PPP2R2B: variants seen among roughly 807,000 people sequenced by gnomAD.
The protein encoded by PPP2R2B is serine/threonine-protein phosphatase 2A 55 kDa regulatory subunit B beta isoform.
PPP2R2B carries 5 observed loss-of-function variants against 46.0 expected under a neutral mutation model. The ratio of observed to expected loss-of-function variants is 0.11; its 90% CI spans 0.06 to 0.23. The LOEUF (loss-of-function observed/expected upper bound fraction) is 0.23, where lower values mean the gene tolerates loss of function less well. PPP2R2B is among the 10% of genes least tolerant of loss of function. The probability of loss-of-function intolerance (pLI) is 1.00; values close to 1 mark genes in which losing one functional copy is unlikely to be tolerated. For synonymous variants in PPP2R2B, 215 were observed against 206.7 expected, an observed-to-expected ratio of 1.04 and a Z score of -0.34; for missense variants, 367 against 575.0, an observed-to-expected ratio of 0.64 and a Z score of 3.70.
At chr5:146,669,223 T>C (rs1169872039) in intron 5 of PPP2R2B, among the ~76,000 whole-genome samples, 1 of 152,186 alleles carries the variant, frequency 6.6e-6, no homozygotes, top group Non-Finnish European at 1.5e-5. Context: ...CATATGCATT[T>C]AATATGTGAA....
intron 2 of PPP2R2B, among the ~76,000 whole-genome samples, chr5:146,750,577 C>T (rs984656744): frequency 5.3e-5 from 8 of 152,166 alleles, no homozygotes; most frequent in Admixed American, 1.3e-4. Flanking sequence ...AAAACAATAA[C>T]TCAATCAGAT....
At chr5:146,777,860 T>A (rs1357758705) in intron 2 of PPP2R2B, among the ~76,000 whole-genome samples, 1 of 152,164 alleles carries the variant, frequency 6.6e-6, no homozygotes, top group East Asian at 1.9e-4. Context: ...CCTAAACATA[T>A]TAATCCATGT....
intron 2 of PPP2R2B, among the ~76,000 whole-genome samples, chr5:147,080,590 G>C (rs764436770): frequency 6.6e-6 from 1 of 152,190 alleles, no homozygotes; most frequent in Non-Finnish European, 1.5e-5. Flanking sequence ...AGTCTCCTGA[G>C]AACCAGAAAG....
chr5:146,739,217 A>T (rs2151217997), intron 2 of PPP2R2B, among the ~76,000 whole-genome samples: 1 of 152,282 alleles, frequency 6.6e-6, no homozygotes, highest in African/African-American at 2.4e-5. Context: ...CAGGGTCTCA[A>T]CTATGTTGCC....
chr5:147,070,636 T>C (rs1442991132), intron 2 of PPP2R2B, among the ~76,000 whole-genome samples: 1 of 152,194 alleles, frequency 6.6e-6, no homozygotes, highest in Non-Finnish European at 1.5e-5. Context: ...CCAAATGTTT[T>C]ACCAAGAACA....
Position 146,589,548 on chromosome 5 carries a change from A to AATC in PPP2R2B, c.*396_*398dup, listed in dbSNP as rs897380647. The stretch of plus-strand genomic sequence containing the variant: ...TGTTTATTTTTTGTTGATTTTTTTC[A>AATC]ATCAAATGGAATTGCTTAATTAAAA... On this transcript the variant is annotated 3_prime_UTR_variant, in exon 10 of 10. Transcript: ENST00000394411. 5 of 161,642 alleles carry AATC rather than the reference A, an allele frequency of 3.1e-5. No homozygotes were observed. The highest frequency in any genetic ancestry group is 7.2e-5 in the African/African-American group (3 of 41,648). 10.0% of individuals were successfully genotyped at this position (161,642 alleles called of 1,614,324 possible). A position where few individuals can be genotyped will look rare whatever the true frequency, so the allele number is the denominator to read the frequency against.
In PPP2R2B at chr5:146,812,667, GTATATATATATATA is replaced by G. The variant is rs1186426182; in HGVS notation, c.70+65321_70+65334del. On this transcript the variant is annotated intron_variant, in intron 2 of 9. Coordinates refer to ENST00000394411, the MANE Select transcript of PPP2R2B (RefSeq NM_181675.4). Reference sequence around the variant, plus strand: ...CTAGAGTTACTTAGTCCTCAGAAGAGTATATATATATATATATATATATATATATATATACACTG... The same window carrying G: ...CTAGAGTTACTTAGTCCTCAGAAGAGTATATATATATATATATATACACTG... Among the ~76,000 whole-genome samples the G allele has an allele frequency of 9.4e-3, 6 of 638 alleles. 1 individual carries two copies. Among genetic ancestry groups the G allele is most frequent in the South Asian group, 0.083 (1 of 12 alleles). The allele number at this position is 638 out of a possible 152,430, so 0.4% of individuals were successfully genotyped here. A position where few individuals can be genotyped will look rare whatever the true frequency, so the allele number is the denominator to read the frequency against.
intron 7 of PPP2R2B, among the ~76,000 whole-genome samples, chr5:146,603,537 G>T (rs1771978067): frequency 1.3e-5 from 2 of 152,198 alleles, no homozygotes; most frequent in South Asian, 4.1e-4. Context: ...TTTGTGGAGT[G>T]CCGGCTTTAG....
chr5:146,736,887 AC>A (rs1752570052), intron 2 of PPP2R2B, among the ~76,000 whole-genome samples: 2 of 152,186 alleles, frequency 1.3e-5, no homozygotes, highest in Middle Eastern at 6.8e-3. Flanking sequence ...TTACTCTCTA[AC>A]CCAGGACTGT....
At chr5:146,973,597 G>A (rs1752761900) in intron 1 of PPP2R2B, among the ~76,000 whole-genome samples, 1 of 152,158 alleles carries the variant, frequency 6.6e-6, no homozygotes, top group Non-Finnish European at 1.5e-5. Flanking sequence ...AGAATTCCAT[G>A]GCTTGTAATT....
chr5:146,591,004 C>G (rs1356286263), intron 9 of PPP2R2B, among the ~76,000 whole-genome samples: 1 of 152,060 alleles, frequency 6.6e-6, no homozygotes, highest in Non-Finnish European at 1.5e-5. Context: ...AGGAGAGTGG[C>G]AAACACCCAA....
At chr5:146,861,277 C>G (rs774807601) in intron 2 of PPP2R2B, among the ~76,000 whole-genome samples, 8 of 151,674 alleles carry the variant, frequency 5.3e-5, no homozygotes, top group Non-Finnish European at 1.0e-4. Flanking sequence ...AGGATGGTGT[C>G]GATCTCCTGA....
chr5:147,020,656 T>C (rs1453460265), intron 1 of PPP2R2B, among the ~76,000 whole-genome samples: 1 of 152,112 alleles, frequency 6.6e-6, no homozygotes, highest in Non-Finnish European at 1.5e-5. Context: ...AGGGTTTTGA[T>C]AGAGATTGAC....
At chr5:147,006,735 C>T (rs544081370) in intron 1 of PPP2R2B, among the ~76,000 whole-genome samples, 48 of 152,280 alleles carry the variant, frequency 3.2e-4, no homozygotes, top group Admixed American at 9.8e-4. Flanking sequence ...TAGTCCTCCT[C>T]ACTGCTGAGA....
chr5:147,018,467 T>G (rs371060050), intron 1 of PPP2R2B, among the ~76,000 whole-genome samples: 2 of 152,206 alleles, frequency 1.3e-5, no homozygotes, highest in Admixed American at 6.5e-5. Context: ...ATTTTTTATA[T>G]ATATTTTTTA....
chr5:146,673,859 G>C (rs466085), intron 5 of PPP2R2B, among the ~76,000 whole-genome samples: 116,466 of 152,142 alleles, frequency 0.77, 46,010 homozygotes, highest in Non-Finnish European at 0.86. Context: ...CTCAAACTGA[G>C]GATTTTTTTC....
chr5:146,936,865 T>G (rs1432895), intron 1 of PPP2R2B, among the ~76,000 whole-genome samples: 20 of 132,762 alleles, frequency 1.5e-4, no homozygotes, highest in Admixed American at 3.7e-4. Context: ...TGAGCCAGGG[T>G]TTTTTTTTTT....
chr5:147,006,504 T>C (rs537268045), intron 1 of PPP2R2B, among the ~76,000 whole-genome samples: 13 of 152,292 alleles, frequency 8.5e-5, no homozygotes, highest in African/African-American at 3.1e-4. Flanking sequence ...AGTCCATCAA[T>C]GCAGGGGCAT....
chr5:146,724,596 C>T (rs1018060134), intron 2 of PPP2R2B, among the ~76,000 whole-genome samples: 6 of 152,028 alleles, frequency 3.9e-5, no homozygotes, highest in Non-Finnish European at 7.4e-5. Flanking sequence ...AGAGTGGACT[C>T]GTTGTGAGAT....
Sources: allele counts gnomAD v4.1 joint callset (sites outside exome capture counted in the v4.1 genomes callset), GRCh38; gene constraint gnomAD v4.1.1; transcripts MANE v1.5; gene names NCBI Gene and HGNC (gene_info 2026-07-23, HGNC 2026-07-21).